Variants in WWOX observed in about 807,000 individuals in gnomAD.
WWOX encodes WW domain containing oxidoreductase.
In WWOX, 69 loss-of-function variants were observed where a neutral mutation model predicts 46.2. That is an observed-to-expected ratio of 1.49 (90% CI 1.23 to 1.82). The LOEUF (loss-of-function observed/expected upper bound fraction) is 1.82, where lower values mean the gene tolerates loss of function less well. Among genes scored for constraint, WWOX ranks in the 40% most tolerant of loss-of-function variants. WWOX has a pLI of 0.00. For synonymous variants in WWOX, 359 were observed against 202.6 expected (o/e 1.77, Z -6.56); for missense variants, 919 against 542.6 (o/e 1.69, Z -6.89).
intron 8 of WWOX, among the ~76,000 whole-genome samples, chr16:78,809,669 C>T (rs557432636): frequency 6.6e-6 from 1 of 152,132 alleles, no homozygotes. Flanking sequence ...TTTCCAGATG[C>T]CTTCTAGAAA....
intron 8 of WWOX, among the ~76,000 whole-genome samples, chr16:78,793,365 C>T (rs954057677): frequency 1.2e-4 from 18 of 152,166 alleles, no homozygotes; most frequent in Admixed American, 1.2e-3. Context: ...CAGGCCCCTG[C>T]CTCTGTTTAA....
intron 8 of WWOX, among the ~76,000 whole-genome samples, chr16:78,965,744 C>G (rs1361472891): frequency 6.6e-6 from 1 of 152,122 alleles, no homozygotes; most frequent in Admixed American, 6.5e-5. Context: ...CCCATTTAAG[C>G]AGCAACCTCT....
At chr16:78,955,511 G>A (rs533932391) in intron 8 of WWOX, among the ~76,000 whole-genome samples, 30 of 152,262 alleles carry the variant, frequency 2.0e-4, no homozygotes, top group Non-Finnish European at 7.4e-5. Context: ...TTCACCTCGT[G>A]TAAGCACACC....
chr16:78,685,866 G>A (rs1477811941), intron 8 of WWOX, among the ~76,000 whole-genome samples: 3 of 150,734 alleles, frequency 2.0e-5, no homozygotes, highest in African/African-American at 7.3e-5. Context: ...TGAGAGCAGG[G>A]CCAAGAAAGG....
At chr16:78,363,217 G>A (rs1264525457) in intron 5 of WWOX, among the ~76,000 whole-genome samples, 1 of 151,874 alleles carries the variant, frequency 6.6e-6, no homozygotes, top group African/African-American at 2.4e-5. Flanking sequence ...ATGTATTCCT[G>A]TCAATTCCAT....
At chr16:78,336,289 A>G (rs111571722) in intron 5 of WWOX, among the ~76,000 whole-genome samples, 9,612 of 148,898 alleles carry the variant, frequency 0.065, 466 homozygotes, top group East Asian at 0.21. Flanking sequence ...CCTGACCAAC[A>G]TGGTGAAACC....
At chr16:78,254,529 A>G (rs1597406076) in intron 5 of WWOX, among the ~76,000 whole-genome samples, 1 of 42,320 alleles carries the variant, frequency 2.4e-5, no homozygotes, top group Admixed American at 2.1e-4. Flanking sequence ...TGTTTGACAC[A>G]GGGCCTCACT....
chr16:78,649,577 C>A (rs1040168542), intron 8 of WWOX, among the ~76,000 whole-genome samples: 1 of 152,206 alleles, frequency 6.6e-6, no homozygotes, highest in African/African-American at 2.4e-5. Context: ...TCCCCAGGCT[C>A]TTCCCCCGTT....
At chr16:79,115,964 T>C (rs1177143905) in intron 8 of WWOX, among the ~76,000 whole-genome samples, 2 of 152,154 alleles carry the variant, frequency 1.3e-5, no homozygotes, top group Non-Finnish European at 2.9e-5. Context: ...AAAGCAAATA[T>C]CTCAATAAGG....
chr16:78,563,490 A>AACACACAC (rs61298369), intron 8 of WWOX, among the ~76,000 whole-genome samples: 44 of 137,870 alleles, frequency 3.2e-4, no homozygotes, highest in African/African-American at 1.1e-3. Context: ...CGTGTGGGTG[A>AACACACAC]ACACACACAC....
At chr16:78,848,678 G>A (rs12447106) in intron 8 of WWOX, among the ~76,000 whole-genome samples, 6,073 of 152,252 alleles carry the variant, frequency 0.04, 162 homozygotes, top group Admixed American at 0.053. Context: ...CCCTGAAGCA[G>A]AAAGCAAAGC....
intron 8 of WWOX, among the ~76,000 whole-genome samples, chr16:78,816,061 T>C (rs1275268725): frequency 3.9e-5 from 6 of 152,146 alleles, no homozygotes; most frequent in African/African-American, 1.2e-4. Flanking sequence ...CATTCCTGCT[T>C]CTATTCTGCT....
intron 8 of WWOX, among the ~76,000 whole-genome samples, chr16:78,740,263 A>G (rs927741461): frequency 6.6e-6 from 1 of 152,236 alleles, no homozygotes; most frequent in South Asian, 2.1e-4. Flanking sequence ...TGCTGATGCG[A>G]CTCAGACGGC....
chr16:78,991,231 T>G (rs959482997), intron 8 of WWOX, among the ~76,000 whole-genome samples: 6 of 152,208 alleles, frequency 3.9e-5, no homozygotes, highest in African/African-American at 1.4e-4. Context: ...GAACTATTTC[T>G]TGGATGAAAT....
At chr16:78,974,759 C>T (rs373677280) in intron 8 of WWOX, among the ~76,000 whole-genome samples, 5 of 152,232 alleles carry the variant, frequency 3.3e-5, no homozygotes, top group Middle Eastern at 3.4e-3. Context: ...GTGTTGGGTC[C>T]GCCAGCTCTC....
chr16:78,823,781 A>ATT (rs11417162), intron 8 of WWOX, among the ~76,000 whole-genome samples: 7,195 of 147,688 alleles, frequency 0.049, 207 homozygotes, highest in Admixed American at 0.066. Context: ...TAGACTTGTT[A>ATT]TTTTTTTTTT....
chr16:78,940,058 C>A (rs1046246370), intron 8 of WWOX, among the ~76,000 whole-genome samples: 30 of 152,190 alleles, frequency 2.0e-4, no homozygotes, highest in Non-Finnish European at 5.9e-5. Flanking sequence ...ACGTTACTTT[C>A]ATCCCATTAT....
intron 8 of WWOX, among the ~76,000 whole-genome samples, chr16:78,880,914 A>G (rs1248597831): frequency 2.2e-5 from 3 of 139,480 alleles, no homozygotes; most frequent in Non-Finnish European, 4.6e-5. Flanking sequence ...TAAGACCCTG[A>G]CTCCTGTTTT....
chr16:78,624,325 C>T (rs1425096682), intron 8 of WWOX, among the ~76,000 whole-genome samples: 1 of 151,758 alleles, frequency 6.6e-6, no homozygotes, highest in Non-Finnish European at 1.5e-5. Context: ...GTTTCTCTGC[C>T]TCCTTTGCTA....
Sources: allele counts gnomAD v4.1 joint callset (sites outside exome capture counted in the v4.1 genomes callset), GRCh38; gene constraint gnomAD v4.1.1; transcripts MANE v1.5; gene names NCBI Gene and HGNC (gene_info 2026-07-23, HGNC 2026-07-21).